Variants in IMMP2L observed in about 807,000 individuals in gnomAD.
The protein encoded by IMMP2L is inner mitochondrial membrane peptidase subunit 2, also known as mitochondrial inner membrane protease subunit 2.
IMMP2L carries 18 observed loss-of-function variants against 19.3 expected under a neutral mutation model. The ratio of observed to expected loss-of-function variants is 0.93; its 90% CI spans 0.64 to 1.38. The LOEUF (loss-of-function observed/expected upper bound fraction) is 1.38, where lower values mean the gene tolerates loss of function less well. IMMP2L is among the 40% of genes most tolerant of loss of function. The pLI is 0.00. For synonymous variants in IMMP2L, 76 were observed against 73.0 expected (o/e 1.04, Z -0.21); for missense variants, 233 against 218.2 (o/e 1.07, Z -0.43).
chr7:110,703,225 T>C (rs1794407685), intron 5 of IMMP2L, among the ~76,000 whole-genome samples: 1 of 152,202 alleles, frequency 6.6e-6, no homozygotes, highest in African/African-American at 2.4e-5. Context: ...ATTATGTTAA[T>C]ATAAGTTACA....
chr7:110,797,802 C>A (rs1800959113), intron 5 of IMMP2L, among the ~76,000 whole-genome samples: 1 of 151,892 alleles, frequency 6.6e-6, no homozygotes, highest in Non-Finnish European at 1.5e-5. Flanking sequence ...AATCTGCTAA[C>A]AGAAAGAAAA....
chr7:111,327,511 A>G lies in IMMP2L; in HGVS notation c.239+159727T>C, dbSNP rs530889897. 4.5e-4 allele frequency among the ~76,000 whole-genome samples: 69 copies of G among 151,788 alleles called. 2 individuals carry two copies. Among genetic ancestry groups the G allele is most frequent in the Non-Finnish European group, 8.4e-4 (57 of 67,802 alleles). ...ACTGTAACCCACCATTCATTCATCC[A>G]TGTACTTCTTACACTTCAAAAGACT... On this transcript the variant is annotated intron_variant, in intron 3 of 5. Transcript: ENST00000405709.
chr7:110,894,402 A>G (rs969788432), intron 4 of IMMP2L, among the ~76,000 whole-genome samples: 11 of 152,184 alleles, frequency 7.2e-5, no homozygotes, highest in African/African-American at 2.4e-4. Context: ...AGCACTTGAT[A>G]TTATCATTCT....
At chr7:111,007,378 C>A (rs1824403536) in intron 3 of IMMP2L, among the ~76,000 whole-genome samples, 1 of 152,106 alleles carries the variant, frequency 6.6e-6, no homozygotes. Flanking sequence ...TCCTACCATT[C>A]CATCAGAATT....
intron 5 of IMMP2L, among the ~76,000 whole-genome samples, chr7:110,703,896 A>C (rs1315540326): frequency 6.6e-6 from 1 of 151,012 alleles, no homozygotes; most frequent in East Asian, 1.9e-4. Flanking sequence ...CCCAGGCTGG[A>C]GTGCAGTGGT....
At chr7:111,295,728 A>G (rs2129817965) in intron 3 of IMMP2L, among the ~76,000 whole-genome samples, 1 of 152,002 alleles carries the variant, frequency 6.6e-6, no homozygotes, top group African/African-American at 2.4e-5. Context: ...TTATATATAT[A>G]TAAAACCACC....
chr7:110,815,982 C>G (rs866073109), intron 5 of IMMP2L, among the ~76,000 whole-genome samples: 1 of 152,018 alleles, frequency 6.6e-6, no homozygotes, highest in Non-Finnish European at 1.5e-5. Flanking sequence ...CTGCTCTGAT[C>G]TTAGTTATTT....
At chr7:111,080,788 C>A (rs969318065) in intron 3 of IMMP2L, among the ~76,000 whole-genome samples, 3 of 152,110 alleles carry the variant, frequency 2.0e-5, no homozygotes, top group Admixed American at 2.0e-4. Flanking sequence ...TGCTGAGGAC[C>A]AGGAATACAA....
chr7:110,785,539 T>C (rs1294848688), intron 5 of IMMP2L, among the ~76,000 whole-genome samples: 1 of 151,914 alleles, frequency 6.6e-6, no homozygotes, highest in Non-Finnish European at 1.5e-5. Context: ...TCCCATTTTG[T>C]CATTAGATTA....
Position 110,800,488 on chromosome 7 carries a change from T to C in IMMP2L, c.408+86105A>G, listed in dbSNP as rs185438617. 2.6e-5 allele frequency among the ~76,000 whole-genome samples: 4 copies of C among 152,104 alleles called. No homozygotes were observed. In the East Asian group the frequency reaches 7.8e-4, roughly 29 times the overall value. ...AGATACACATTAAACAACAAAAGGA[T>C]CACATCAATAAACATTCATGAAGTG... On this transcript the variant is annotated intron_variant, in intron 5 of 5. Transcript: ENST00000405709.
rs1251979350 is a variant in IMMP2L at position 111,214,508 on chromosome 7, T to TG, written c.240-250944_240-250943insC. Among the ~76,000 whole-genome samples, 210 of 135,068 alleles carry TG rather than the reference T, an allele frequency of 1.6e-3. 1 individual carries two copies. Among genetic ancestry groups the TG allele is most frequent in the East Asian group, 4.0e-3 (19 of 4,742 alleles). 88.6% of individuals were successfully genotyped at this position (135,068 alleles called of 152,430 possible). A position where few individuals can be genotyped will look rare whatever the true frequency, so the allele number is the denominator to read the frequency against. ...CAGGCACCTGCCACCAAATCTGTTT[T>TG]TTTTTTTTTTTTTTTTTTTAATGTA... On this transcript the variant is annotated intron_variant, in intron 3 of 5. Coordinates refer to ENST00000405709, the MANE Select transcript of IMMP2L (RefSeq NM_032549.4).
intron 1 of IMMP2L, among the ~76,000 whole-genome samples, chr7:111,559,637 G>C (rs1267139159): frequency 1.3e-5 from 2 of 152,164 alleles, no homozygotes; most frequent in African/African-American, 4.8e-5. Flanking sequence ...CTATAGGAAA[G>C]TTAGGCACTA....
chr7:110,702,581 C>A (rs1794356826), intron 5 of IMMP2L, among the ~76,000 whole-genome samples: 1 of 151,992 alleles, frequency 6.6e-6, no homozygotes, highest in South Asian at 2.1e-4. Context: ...TTATTTAGGT[C>A]TTTAATTTCT....
chr7:111,502,489 C>T (rs1844390654), intron 2 of IMMP2L, among the ~76,000 whole-genome samples: 1 of 152,110 alleles, frequency 6.6e-6, no homozygotes, highest in Non-Finnish European at 1.5e-5. Flanking sequence ...ATCTACAGAA[C>T]TCTCCACCCC....
At chr7:111,524,955 A>G (rs1428164195) in intron 1 of IMMP2L, among the ~76,000 whole-genome samples, 1 of 152,114 alleles carries the variant, frequency 6.6e-6, no homozygotes, top group Non-Finnish European at 1.5e-5. Flanking sequence ...ACCAGTATTT[A>G]CTAACGGTCT....
At chr7:110,994,043 C>A (rs1221780948) in intron 3 of IMMP2L, among the ~76,000 whole-genome samples, 1 of 151,752 alleles carries the variant, frequency 6.6e-6, no homozygotes, top group East Asian at 1.9e-4. Flanking sequence ...TTGTCCCTCT[C>A]TGTGCCATCT....
chr7:110,990,407 C>A (rs570220909), intron 3 of IMMP2L, among the ~76,000 whole-genome samples: 1 of 152,234 alleles, frequency 6.6e-6, no homozygotes, highest in African/African-American at 2.4e-5. Flanking sequence ...CATTTTTATA[C>A]CAACATTTAT....
At chr7:111,313,035 C>G (rs1204421516) in intron 3 of IMMP2L, among the ~76,000 whole-genome samples, 1 of 152,146 alleles carries the variant, frequency 6.6e-6, no homozygotes, top group Non-Finnish European at 1.5e-5. Context: ...GCCCACAAGC[C>G]TGCAGTAATT....
At chr7:111,421,356 G>C (rs1279487847) in intron 3 of IMMP2L, among the ~76,000 whole-genome samples, 1 of 140,754 alleles carries the variant, frequency 7.1e-6, no homozygotes, top group Non-Finnish European at 1.5e-5. Flanking sequence ...TGCAAGCTCC[G>C]CCTCCCGGGT....
Sources: gnomAD v4.1 joint callset for allele counts (sites outside exome capture counted in the v4.1 genomes callset) on GRCh38, gnomAD v4.1.1 for gene constraint, MANE v1.5 for transcripts, NCBI Gene and HGNC (gene_info 2026-07-23, HGNC 2026-07-21) for gene names.